The following DACH2 variants were observed in gnomAD, a reference collection of about 807,000 sequenced individuals.
DACH2 encodes dachshund family transcription factor 2.
Under a neutral mutation model 35.8 loss-of-function variants are expected in DACH2, and 17 were observed. The ratio of observed to expected loss-of-function variants is 0.48; its 90% CI spans 0.33 to 0.71. The LOEUF is 0.71. DACH2 is among the 30% of genes least tolerant of loss of function. DACH2 has a pLI of 0.02. For missense variants in DACH2, 469 were observed against 472.7 expected (o/e 0.99, Z 0.07); for synonymous variants, 195 against 177.3 (o/e 1.10, Z -0.79).
chrX:86,257,714 T>A (rs1340400259), intron 1 of DACH2, among the ~76,000 whole-genome samples: 1 of 112,520 alleles, frequency 8.9e-6, no homozygotes. Context: ...GGCCTACAAC[T>A]CTTGCTCTTA....
chrX:86,582,366 A>C (rs1013410550), intron 3 of DACH2, among the ~76,000 whole-genome samples: 2 of 111,371 alleles, frequency 1.8e-5, no homozygotes, highest in Non-Finnish European at 3.8e-5. Context: ...TCAGAGCTGA[A>C]ATGAACAAAA....
chrX:86,725,429 T>C (rs960305923), intron 6 of DACH2, among the ~76,000 whole-genome samples: 1 of 111,808 alleles, frequency 8.9e-6, no homozygotes, highest in African/African-American at 3.3e-5. Context: ...CACAGGGTCA[T>C]TGGTATCTGT....
chrX:86,440,987 C>T (rs2037151003), intron 2 of DACH2, among the ~76,000 whole-genome samples: 1 of 110,849 alleles, frequency 9.0e-6, no homozygotes, highest in African/African-American at 3.3e-5. Context: ...CCTCTCTCCT[C>T]CCTCGCACCA....
chrX:86,449,732 T>C (rs955115657), intron 2 of DACH2, among the ~76,000 whole-genome samples: 2 of 111,606 alleles, frequency 1.8e-5, no homozygotes, highest in African/African-American at 6.5e-5. Context: ...CATTTTAAGC[T>C]GTAAACAATA....
chrX:86,643,480 A>T (rs955931288), intron 3 of DACH2, among the ~76,000 whole-genome samples: 1 of 106,648 alleles, frequency 9.4e-6, no homozygotes, highest in East Asian at 3.1e-4. Context: ...AAGCCTACCA[A>T]CCAAAAAAAG....
intron 3 of DACH2, among the ~76,000 whole-genome samples, chrX:86,572,798 C>T (rs1345747500): frequency 1.8e-5 from 2 of 111,371 alleles, no homozygotes; most frequent in African/African-American, 6.5e-5. Context: ...CTAAGCTTCA[C>T]CTAGCTAATT....
intron 3 of DACH2, among the ~76,000 whole-genome samples, chrX:86,566,517 C>G (rs1212451188): frequency 9.0e-6 from 1 of 111,187 alleles, no homozygotes; most frequent in Non-Finnish European, 1.9e-5. Context: ...TTTTCAGGAA[C>G]AGAAAATAAG....
intron 1 of DACH2, among the ~76,000 whole-genome samples, chrX:86,195,349 A>T (rs1167752524): frequency 8.9e-6 from 1 of 111,744 alleles, no homozygotes; most frequent in African/African-American, 3.3e-5. Flanking sequence ...GGCACAGAGA[A>T]CAACATACCC....
chrX:86,244,482 C>T (rs1403175632), intron 1 of DACH2, among the ~76,000 whole-genome samples: 1 of 111,846 alleles, frequency 8.9e-6, no homozygotes, highest in East Asian at 2.8e-4. Context: ...GGCATGTTGG[C>T]ATGCACCTCT....
At chrX:86,236,346 A>G (rs1232556097) in intron 1 of DACH2, among the ~76,000 whole-genome samples, 1 of 112,219 alleles carries the variant, frequency 8.9e-6, no homozygotes, top group Non-Finnish European at 1.9e-5. Context: ...GAATGAATAC[A>G]TGAATAAAGA....
intron 1 of DACH2, among the ~76,000 whole-genome samples, chrX:86,214,559 A>G (rs956351793): frequency 3.6e-5 from 4 of 111,941 alleles, no homozygotes; most frequent in African/African-American, 1.3e-4. Context: ...TGATAGAATT[A>G]AGATACTGCT....
At chrX:86,555,313 C>T (rs938665684) in intron 3 of DACH2, among the ~76,000 whole-genome samples, 5 of 111,729 alleles carry the variant, frequency 4.5e-5, no homozygotes, top group African/African-American at 1.6e-4. Context: ...TGTCTTTTCA[C>T]ATGTGATCAA....
intron 6 of DACH2, among the ~76,000 whole-genome samples, chrX:86,732,327 A>G (rs1043441472): frequency 3.6e-5 from 4 of 112,328 alleles, no homozygotes; most frequent in Admixed American, 1.9e-4. Flanking sequence ...TGATTTAGCA[A>G]ATGTTGAATG....
At chrX:86,740,686 G>T (rs2147260793) in intron 7 of DACH2, among the ~76,000 whole-genome samples, 1 of 109,269 alleles carries the variant, frequency 9.2e-6, no homozygotes, top group South Asian at 4.0e-4. Flanking sequence ...TATAGGTCTG[G>T]CACTAACTAG....
At chrX:86,417,814 G>T (rs2036734197) in intron 2 of DACH2, among the ~76,000 whole-genome samples, 1 of 111,308 alleles carries the variant, frequency 9.0e-6, no homozygotes, top group Non-Finnish European at 1.9e-5. Flanking sequence ...AGAATTAAAT[G>T]AGTTAATTCT....
chrX:86,532,798 G>A (rs1254663341), intron 3 of DACH2, among the ~76,000 whole-genome samples: 3 of 110,812 alleles, frequency 2.7e-5, no homozygotes, highest in African/African-American at 9.8e-5. Context: ...GACATCTGTT[G>A]AAGTTTATGA....
intron 2 of DACH2, among the ~76,000 whole-genome samples, chrX:86,438,154 T>C (rs1308253452): frequency 9.1e-6 from 1 of 109,480 alleles, no homozygotes; most frequent in Non-Finnish European, 1.9e-5. Context: ...TGTTCCTTCA[T>C]TAGTTTGCTT....
rs191504170 is a variant in DACH2, at chrX:86,579,941, G to A, written c.640+65550G>A. On this transcript the variant is annotated intron_variant, in intron 3 of 11. Transcript: ENST00000373125. ...AAGTGAGCACAGATTATACTGCAGT[G>A]ACTTTGATGAAGTGCTTTGGCATGC... Among the ~76,000 whole-genome samples the A allele has an allele frequency of 1.5e-3, 168 of 111,991 alleles. 1 individual carries two copies. Among genetic ancestry groups the A allele is most frequent in the African/African-American group, 5.2e-3 (160 of 30,846 alleles).
chrX:86,291,762 C>A (rs1367180518), intron 1 of DACH2, among the ~76,000 whole-genome samples: 2 of 69,477 alleles, frequency 2.9e-5, no homozygotes, highest in Non-Finnish European at 5.1e-5. Flanking sequence ...GCCTTGCATC[C>A]CAGGGATGAA....
Sources: allele counts gnomAD v4.1 joint callset (sites outside exome capture counted in the v4.1 genomes callset), GRCh38; gene constraint gnomAD v4.1.1; transcripts MANE v1.5; gene names NCBI Gene and HGNC (gene_info 2026-07-23, HGNC 2026-07-21).